The following PYHIN1 variants were observed in gnomAD, a reference collection of about 807,000 sequenced individuals.
PYHIN1 encodes the protein pyrin and HIN domain-containing protein 1.
Under a neutral mutation model 43.7 loss-of-function variants are expected in PYHIN1, and 32 were observed. The ratio of observed to expected loss-of-function variants is 0.73; its 90% CI spans 0.55 to 0.98. The LOEUF is 0.98. Ranked by LOEUF, PYHIN1 falls within the 50% of genes least tolerant of loss-of-function variation. The pLI, the probability that PYHIN1 is intolerant of heterozygous loss-of-function variation, is 0.00. For synonymous variants in PYHIN1, 205 were observed against 203.1 expected (o/e 1.01, Z -0.08); for missense variants, 588 against 589.5 (o/e 1.00, Z 0.03).
downstream of PYHIN1, chr1:158,977,204 C>T (rs1180689695): frequency 6.6e-6 from 1 of 152,070 alleles, no homozygotes; most frequent in Admixed American, 6.6e-5. Flanking sequence ...ACTGACTGTG[C>T]CCTGCCCAAA....
intron 4 of PYHIN1, 128 bp downstream of exon 4, chr1:158,939,375 A>G (rs1648766594): frequency 6.3e-7 from 1 of 1,595,504 alleles, no homozygotes; most frequent in Non-Finnish European, 8.6e-7. Context: ...CTGAGAATTC[A>G]CTGCATTTTA....
At chr1:158,938,985 A>C (rs1030461360) in intron 3 of PYHIN1, 95 bp from the exon 4 acceptor site, 1 of 969,670 alleles carries the variant, frequency 1.0e-6, no homozygotes, top group Admixed American at 3.5e-5. Context: ...AAGAAAAACA[A>C]TTTATATACA....
rs575017923 is a variant in PYHIN1, at chr1:158,953,974, T to C, written c.1359+8932T>C. 2.4e-5 allele frequency among the ~76,000 whole-genome samples: 3 copies of C among 126,142 alleles called. No individual in the cohort carries two copies. In the Admixed American group the frequency reaches 2.5e-4, roughly 11 times the overall value. The allele number at this position is 126,142 out of a possible 152,430, so 82.8% of individuals were successfully genotyped here. ...AGAATGCAGAAGCCTCAGGAGCCGA[T>C]GCGATCAACTGGAAGAAAGGGTATC... On this transcript the variant is annotated intron_variant, in intron 7 of 8. Transcript: ENST00000368140.
chr1:158,958,459 A>T (rs1366265464), intron 7 of PYHIN1, among the ~76,000 whole-genome samples: 1 of 148,754 alleles, frequency 6.7e-6, no homozygotes. Flanking sequence ...CTTTGTAGGG[A>T]CATGGATGAA....
chr1:158,978,664 G>C (rs1328909098), downstream of PYHIN1, among the ~76,000 whole-genome samples: 1 of 152,004 alleles, frequency 6.6e-6, no homozygotes, highest in African/African-American at 2.4e-5. Context: ...GGGTCATTTA[G>C]GTGCTTTGTC....
intron 7 of PYHIN1, among the ~76,000 whole-genome samples, chr1:158,956,129 A>G (rs200651981): frequency 9.9e-5 from 14 of 141,026 alleles, no homozygotes; most frequent in African/African-American, 2.1e-4. Context: ...CCAACCAAAA[A>G]GAGTCCAGGA....
chr1:158,973,102 T>A (rs1772445), intron 7 of PYHIN1, among the ~76,000 whole-genome samples: 45,815 of 151,748 alleles, frequency 0.3, 7,746 homozygotes, highest in South Asian at 0.49. Context: ...GTATTAAGTC[T>A]TTATTCTCTC....
chr1:158,987,701 T>A, the PYHIN1 span, among the ~76,000 whole-genome samples: 5 of 152,222 alleles, frequency 3.3e-5, no homozygotes, highest in Admixed American at 2.0e-4. Flanking sequence ...CATTTTGAAC[T>A]AATTTTTTCA....
intron 7 of PYHIN1, among the ~76,000 whole-genome samples, chr1:158,965,066 G>GA (rs1005764786): frequency 1.8e-3 from 262 of 142,188 alleles, no homozygotes; most frequent in African/African-American, 3.4e-3. Flanking sequence ...ATAGAAAGCA[G>GA]AAAAAAAAAA....
downstream of PYHIN1, among the ~76,000 whole-genome samples, chr1:158,979,978 A>T (rs1039119842): frequency 6.6e-6 from 1 of 152,062 alleles, no homozygotes; most frequent in African/African-American, 2.4e-5. Context: ...AGTAAGAACA[A>T]GTGGTATTTG....
intron 7 of PYHIN1, among the ~76,000 whole-genome samples, chr1:158,950,130 G>GATC (rs1649450390): frequency 2.0e-5 from 3 of 152,212 alleles, no homozygotes; most frequent in Admixed American, 6.5e-5. Flanking sequence ...GTCTGCCCAA[G>GATC]TGACAGGGCG....
chr1:158,963,823 A>G (rs1224173852), intron 7 of PYHIN1, among the ~76,000 whole-genome samples: 2 of 152,246 alleles, frequency 1.3e-5, no homozygotes, highest in African/African-American at 4.8e-5. Flanking sequence ...TCAGAAAGCC[A>G]GAGTGTCTTG....
At chr1:158,943,623 AG>A (rs1649052273) in intron 5 of PYHIN1, among the ~76,000 whole-genome samples, 166 bp from the exon 6 acceptor site, 1 of 152,178 alleles carries the variant, frequency 6.6e-6, no homozygotes, top group African/African-American at 2.4e-5. Context: ...AAGGATATTG[AG>A]GGAGAGCTCT....
chr1:158,939,560 A>G lies in PYHIN1; in HGVS notation c.579+313A>G, dbSNP rs1648784853. 18 of 1,531,468 alleles carry G rather than the reference A, an allele frequency of 1.2e-5. No individual in the cohort carries two copies. The South Asian group carries it at 1.9e-4, about 16-fold the overall frequency. The allele number at this position is 1,531,468 out of a possible 1,614,324, so 94.9% of individuals were successfully genotyped here. ...TATACACCCATTCCCTTTGCTCACT[A>G]ATTTGTTCAAGTTTCTCTGACATAC... On this transcript the variant is annotated intron_variant, in intron 4 of 8. Coordinates refer to ENST00000368140, the MANE Select transcript of PYHIN1 (RefSeq NM_152501.5).
At chr1:158,955,386 A>G (rs528950254) in intron 7 of PYHIN1, among the ~76,000 whole-genome samples, 14,115 of 147,602 alleles carry the variant, frequency 0.096, 807 homozygotes, top group Non-Finnish European at 0.12. Context: ...AAAGAACAGA[A>G]ATTATAACAA....
At position 158,933,001 on chromosome 1, in the gene PYHIN1, T is replaced by G. The variant is rs1648257945; in HGVS notation, c.-21+1225T>G. ...GATTTCAGGATTTATATATGTTAGA[T>G]AAATATTGCTATCAATTATGTTGCT... is the stretch of plus-strand genomic sequence containing the variant. On this transcript the variant is annotated intron_variant, in intron 1 of 8. Coordinates refer to ENST00000368140, the MANE Select transcript of PYHIN1 (RefSeq NM_152501.5). The surrounding 1 kb of genome is among the most constrained non-coding windows in gnomAD (Gnocchi z 6.3). Among the ~76,000 whole-genome samples the G allele has an allele frequency of 6.6e-6, 1 of 152,120 alleles. No individual in the cohort carries two copies. The highest frequency in any genetic ancestry group is 6.6e-5 in the Admixed American group (1 of 15,266).
chr1:158,952,410 C>T (rs1330730960), intron 7 of PYHIN1, among the ~76,000 whole-genome samples: 4 of 151,958 alleles, frequency 2.6e-5, no homozygotes, highest in Non-Finnish European at 4.4e-5. Context: ...ATGATTGCCT[C>T]GTTGATCTTG....
the PYHIN1 span, among the ~76,000 whole-genome samples, chr1:158,986,356 A>G: frequency 6.6e-6 from 1 of 152,102 alleles, no homozygotes; most frequent in Non-Finnish European, 1.5e-5. Context: ...TTGTTTCTGG[A>G]TAATTTCATG....
downstream of PYHIN1, among the ~76,000 whole-genome samples, chr1:158,981,323 T>C (rs1169178904): frequency 6.6e-6 from 1 of 152,096 alleles, no homozygotes; most frequent in East Asian, 1.9e-4. Flanking sequence ...TACAAAAACT[T>C]AGCCTTTTGT....
Sources: gnomAD v4.1 joint callset for allele counts (sites outside exome capture counted in the v4.1 genomes callset) on GRCh38, gnomAD v4.1.1 for gene constraint, Gnocchi (gnomAD v3.1) non-coding constraint, MANE v1.5 for transcripts, NCBI Gene and HGNC (gene_info 2026-07-23, HGNC 2026-07-21) for gene names.